AVIL: variants seen among roughly 807,000 people sequenced by gnomAD.
The protein encoded by AVIL is advillin.
Under a neutral mutation model 109.9 loss-of-function variants are expected in AVIL, and 78 were observed. That is an observed-to-expected ratio of 0.71 (90% confidence interval 0.59 to 0.86). The LOEUF is 0.86. Ranked by LOEUF, AVIL falls within the 40% of genes least tolerant of loss-of-function variation. The probability of loss-of-function intolerance (pLI) is 0.00; values close to 1 mark genes in which losing one functional copy is unlikely to be tolerated. For synonymous variants in AVIL, 367 were observed against 379.1 expected, an observed-to-expected ratio of 0.97 and a Z score of 0.37; for missense variants, 892 against 1,016.5, an observed-to-expected ratio of 0.88 and a Z score of 1.67.
At chr12:57,806,075 T>C (rs1022044615) in intron 14 of AVIL, 2 of 320,226 alleles carry the variant, frequency 6.2e-6, no homozygotes, top group African/African-American at 4.4e-5. Flanking sequence ...GACCTCGTGA[T>C]TTGCCTGCCT....
chr12:57,806,636 G>A (rs1198800566), intron 13 of AVIL, 97 bp from the exon 14 acceptor site: 1 of 1,410,302 alleles, frequency 7.1e-7, no homozygotes, highest in Non-Finnish European at 9.8e-7. Flanking sequence ...ATAGTATTAT[G>A]TTTGCCCTTG....
Position 57,815,983 on chromosome 12 carries a change from T to G in AVIL, c.58A>C (p.Arg20=), listed in dbSNP as rs199581758. The G allele has an allele frequency of 1.2e-5, 20 of 1,614,178 alleles. No homozygotes were observed. In the Admixed American group the frequency reaches 3.2e-4, roughly 26 times the overall value. The change falls in exon 2 of 20, where the codon AGA becomes CGA. Residue 20 remains arginine, a synonymous_variant. Coordinates refer to ENST00000549994, the MANE Select transcript of AVIL (RefSeq NM_006576.4). ...CCTCCAGCCCAGCTCACCTCTATTC[T>G]CCAGACAATGATCCCAGGGTCGTTG... ...VDNDPGIIVW[R]IEKMELALVP... is the part of the protein sequence containing the mutation.
intron 13 of AVIL, 52 bp downstream of exon 13, chr12:57,807,279 G>T: frequency 1.2e-6 from 2 of 1,611,246 alleles, no homozygotes; most frequent in Non-Finnish European, 1.7e-6. Flanking sequence ...GTGCTGGTTT[G>T]TTAGTTTGGA....
chr12:57,812,060 G>A (rs919176760), intron 4 of AVIL, among the ~76,000 whole-genome samples: 2 of 152,010 alleles, frequency 1.3e-5, no homozygotes, highest in African/African-American at 4.8e-5. Flanking sequence ...GTGCAATCAT[G>A]GCTCATTGCA....
At position 57,797,752 on chromosome 12, in the gene AVIL, A is replaced by C. The variant is rs907142238; in HGVS notation, c.*130T>G. On this transcript the variant is annotated 3_prime_UTR_variant, in exon 20 of 20. Transcript: ENST00000549994. ...GAGAAAAAATGGAGAACATGCCGTGATTTGCAGACTCTATTATATCTAAAT... is the reference window on the plus strand; with the variant it reads ...GAGAAAAAATGGAGAACATGCCGTGCTTTGCAGACTCTATTATATCTAAAT... 7 of 757,538 alleles carry C rather than the reference A, an allele frequency of 9.2e-6. No homozygotes were observed. In the African/African-American group the frequency reaches 1.3e-4, roughly 14 times the overall value. 46.9% of individuals were successfully genotyped at this position (757,538 alleles called of 1,614,324 possible). A position where few individuals can be genotyped will look rare whatever the true frequency, so the allele number is the denominator to read the frequency against.
At chr12:57,809,751 A>C (rs1956010723) in intron 8 of AVIL, 56 bp from the exon 9 acceptor site, 2 of 1,613,400 alleles carry the variant, frequency 1.2e-6, no homozygotes, top group Non-Finnish European at 1.7e-6. Flanking sequence ...GATTTTGCAC[A>C]GGGTCTGCTT....
chr12:57,799,240 G>A (rs555593121), intron 19 of AVIL, among the ~76,000 whole-genome samples: 32 of 152,256 alleles, frequency 2.1e-4, no homozygotes, highest in Non-Finnish European at 4.6e-4. Context: ...TTTCAGGCAC[G>A]AACACTAGCA....
In AVIL at chr12:57,807,573, G is replaced by C. The variant is rs1000093708; in HGVS notation, c.1332+17C>G. On this transcript the variant is annotated intron_variant, in intron 12 of 19. Transcript: ENST00000549994. ...GGACACATCAGGATCCAAAGCTGAA[G>C]CCTGTGCCAGGCCTACCTGCCAGAT... The C allele has an allele frequency of 8.7e-6, 14 of 1,614,132 alleles. No homozygotes were observed. The highest frequency in any genetic ancestry group is 1.2e-5 in the Non-Finnish European group (14 of 1,180,056).
intron 17 of AVIL, 67 bp from the exon 18 acceptor site, chr12:57,801,279 G>A (rs527482959): frequency 7.5e-7 from 1 of 1,341,986 alleles, no homozygotes; most frequent in African/African-American, 1.5e-5. Context: ...CTTAGGTCTG[G>A]TCTGTGTCTT....
chr12:57,813,489 T>C, intron 3 of AVIL, 66 bp from the exon 4 acceptor site: 1 of 1,490,350 alleles, frequency 6.7e-7, no homozygotes. Context: ...TGGCCCCTGT[T>C]ATGGGGAGAA....
chr12:57,811,644 G>A (rs1956039808), intron 4 of AVIL, among the ~76,000 whole-genome samples: 1 of 152,256 alleles, frequency 6.6e-6, no homozygotes, highest in Non-Finnish European at 1.5e-5. Context: ...GCGGAAGGTA[G>A]CCCTGGAGCA....
chr12:57,811,614 G>A (rs1378538261), intron 4 of AVIL, among the ~76,000 whole-genome samples: 2 of 152,214 alleles, frequency 1.3e-5, no homozygotes, highest in Non-Finnish European at 2.9e-5. Context: ...CGAGCCAGGG[G>A]TCCTGCACTT....
intron 2 of AVIL, 88 bp downstream of exon 2, chr12:57,815,887 C>G: frequency 6.3e-7 from 1 of 1,595,264 alleles, no homozygotes; most frequent in Non-Finnish European, 8.5e-7. Context: ...CTAAGGGGTG[C>G]TGGCGGGCTG....
At chr12:57,814,290 C>T (rs1956074959) in intron 2 of AVIL, 64 bp from the exon 3 acceptor site, 1 of 1,482,834 alleles carries the variant, frequency 6.7e-7, no homozygotes, top group Admixed American at 1.9e-5. Context: ...ATGAGCCTCC[C>T]TCTCCTCTCT....
At chr12:57,798,275 T>C (rs1424728535) in intron 19 of AVIL, among the ~76,000 whole-genome samples, 8 of 152,376 alleles carry the variant, frequency 5.3e-5, no homozygotes, top group African/African-American at 1.9e-4. Flanking sequence ...AAATGGGTTA[T>C]GTATTAAGGA....
At chr12:57,802,417 T>TTACCC (rs1181893635) in intron 16 of AVIL, 69 bp from the exon 17 acceptor site, 92 of 1,491,126 alleles carry the variant, frequency 6.2e-5, no homozygotes, top group Non-Finnish European at 8.2e-5. Context: ...ATCATACACA[T>TTACCC]TACCCTATCT....
At chr12:57,814,292 C>T in intron 2 of AVIL, 66 bp from the exon 3 acceptor site, 1 of 1,477,882 alleles carries the variant, frequency 6.8e-7, no homozygotes, top group Non-Finnish European at 9.3e-7. Context: ...GAGCCTCCCT[C>T]TCCTCTCTGT....
At chr12:57,817,279 G>A (rs1956110835) in intron 1 of AVIL, among the ~76,000 whole-genome samples, 1 of 151,472 alleles carries the variant, frequency 6.6e-6, no homozygotes, top group African/African-American at 2.4e-5. Context: ...GCTGTTTGGG[G>A]ACATACTGTT....
Position 57,803,576 on chromosome 12 carries a change from C to T in AVIL, c.1765G>A (p.Ala589Thr). 6.2e-7 allele frequency: 1 copy of T among 1,614,228 alleles called. No homozygotes were observed. ...ENTVAEGQEP[A>T]EFWDLLGGKT... ...CCTCCCAGTAGGTCCCAGAACTCGG[C>T]TGGCTCCTGGCCCTCGGCCACAGTG... The change falls in exon 15 of 20, where the codon GCC becomes ACC. Residue 589 changes from alanine (A) to threonine (T), a missense_variant. Physicochemically the swap from Ala to Thr is moderately conservative, Grantham distance 58. Transcript: ENST00000549994.
Sources: gnomAD v4.1 joint callset for allele counts (sites outside exome capture counted in the v4.1 genomes callset) on GRCh38, gnomAD v4.1.1 for gene constraint, MANE v1.5 for transcripts, NCBI Gene and HGNC (gene_info 2026-07-23, HGNC 2026-07-21) for gene names.